The following RPS6KA5 variants were observed in gnomAD, a reference collection of about 807,000 sequenced individuals.
RPS6KA5 encodes the protein ribosomal protein S6 kinase alpha-5.
A neutral mutation model predicts 85.5 loss-of-function variants in RPS6KA5; 27 were observed. The observed-to-expected ratio is 0.32, with a 90% CI of 0.23 to 0.44. The LOEUF is 0.44. Ranked by LOEUF, RPS6KA5 falls within the 20% of genes least tolerant of loss-of-function variation. The probability of loss-of-function intolerance (pLI) is 1.00; values close to 1 mark genes in which losing one functional copy is unlikely to be tolerated. For missense variants in RPS6KA5, 811 were observed against 980.9 expected, an observed-to-expected ratio of 0.83 and a Z score of 2.31; for synonymous variants, 334 against 348.2, an observed-to-expected ratio of 0.96 and a Z score of 0.46.
Position 90,855,604 on chromosome 14 carries a change from A to ATTTTTGTACTTT in RPS6KA5, c.*16469_*16470insAAAGTACAAAAA, listed in dbSNP as rs2032238327. On this transcript the variant is annotated 3_prime_UTR_variant, in exon 17 of 17. Coordinates refer to ENST00000614987, the MANE Select transcript of RPS6KA5 (RefSeq NM_004755.4). ...AGGCACCCACCACCACGCCCAGCTA[A>ATTTTTGTACTTT]TTTTTGTATTTTTTTTTTTTTGAGA... is the stretch of plus-strand genomic sequence containing the variant. 7.7e-6 allele frequency: 1 copy of ATTTTTGTACTTT among 130,172 alleles called. No individual in the cohort carries two copies. 8.1% of individuals were successfully genotyped at this position (130,172 alleles called of 1,614,324 possible). A position where few individuals can be genotyped will look rare whatever the true frequency, so the allele number is the denominator to read the frequency against.
intron 5 of RPS6KA5, among the ~76,000 whole-genome samples, chr14:90,930,560 ACTT>A (rs1327049692): frequency 2.6e-5 from 4 of 152,122 alleles, no homozygotes; most frequent in Non-Finnish European, 4.4e-5. Flanking sequence ...AAATTTAAAA[ACTT>A]CTGAATATCG....
chr14:90,956,703 T>G (rs2038532899), intron 3 of RPS6KA5, among the ~76,000 whole-genome samples: 2 of 151,924 alleles, frequency 1.3e-5, no homozygotes, highest in South Asian at 4.1e-4. Flanking sequence ...GTGGTTGCTC[T>G]GCAACTTGCC....
chr14:90,959,669 C>T (rs997345954), intron 3 of RPS6KA5, among the ~76,000 whole-genome samples: 2 of 152,216 alleles, frequency 1.3e-5, no homozygotes, highest in African/African-American at 4.8e-5. Context: ...CCACCACCAT[C>T]TTGTGGCCAG....
chr14:90,913,620 T>G (rs115369338), intron 7 of RPS6KA5, among the ~76,000 whole-genome samples: 1 of 152,224 alleles, frequency 6.6e-6, no homozygotes, highest in Admixed American at 6.5e-5. Flanking sequence ...TTACTTAGTA[T>G]GACTTTTATC....
intron 7 of RPS6KA5, among the ~76,000 whole-genome samples, chr14:90,913,947 C>T (rs1014249653): frequency 1.3e-5 from 2 of 152,182 alleles, no homozygotes; most frequent in African/African-American, 4.8e-5. Flanking sequence ...AAGATTATCA[C>T]CCAAAATGAT....
In RPS6KA5 at chr14:91,003,746, T is replaced by A. The variant is rs578194102; in HGVS notation, c.104-2587A>T. 2.6e-5 allele frequency among the ~76,000 whole-genome samples: 4 copies of A among 152,344 alleles called. No homozygotes were observed. The South Asian group carries it at 8.3e-4, about 32-fold the overall frequency. ...CTGGTAGGTAAGGCAGAGCTCTTCT[T>A]TCTCCCATACCTCAAGTCCTAGGTC... On this transcript the variant is annotated intron_variant, in intron 1 of 16. Coordinates refer to ENST00000614987, the MANE Select transcript of RPS6KA5 (RefSeq NM_004755.4).
intron 5 of RPS6KA5, among the ~76,000 whole-genome samples, chr14:90,935,745 A>G (rs569614854): frequency 2.0e-5 from 3 of 152,276 alleles, no homozygotes; most frequent in East Asian, 3.9e-4. Flanking sequence ...TTCAGCCAAC[A>G]TATTATTTTT....
At chr14:90,905,283 T>C (rs1233129694) in intron 8 of RPS6KA5, among the ~76,000 whole-genome samples, 1 of 152,128 alleles carries the variant, frequency 6.6e-6, no homozygotes, top group Non-Finnish European at 1.5e-5. Flanking sequence ...TTTTGCTATA[T>C]TATTTTCATT....
intron 5 of RPS6KA5, among the ~76,000 whole-genome samples, chr14:90,924,266 T>G (rs1485188379): frequency 6.6e-6 from 1 of 152,200 alleles, no homozygotes; most frequent in African/African-American, 2.4e-5. Flanking sequence ...CCTGTGTTAT[T>G]CCCTCTGGGT....
In RPS6KA5 at chr14:90,866,559, A is replaced by G. The variant is rs1178290079; in HGVS notation, c.*5515T>C. The G allele has an allele frequency of 6.6e-6, 1 of 152,218 alleles. No individual in the cohort carries two copies. The highest frequency in any genetic ancestry group is 1.5e-5 in the Non-Finnish European group (1 of 68,038). The allele number at this position is 152,218 out of a possible 1,614,324, so 9.4% of individuals were successfully genotyped here. A position where few individuals can be genotyped will look rare whatever the true frequency, so the allele number is the denominator to read the frequency against. On this transcript the variant is annotated 3_prime_UTR_variant, in exon 17 of 17. Coordinates refer to ENST00000614987, the MANE Select transcript of RPS6KA5 (RefSeq NM_004755.4). ...AAAACAATGTTTTTCATCTTTTTTA[A>G]TCTTCCATTTACCTTTTAGTAAGAC...
At chr14:90,903,439 C>T (rs2035301482) in intron 8 of RPS6KA5, among the ~76,000 whole-genome samples, 1 of 152,192 alleles carries the variant, frequency 6.6e-6, no homozygotes, top group Non-Finnish European at 1.5e-5. Context: ...CTTGCTTTTC[C>T]TCCTGGGCAT....
chr14:90,875,465 A>T (rs769184227), intron 14 of RPS6KA5, 105 bp from the exon 15 acceptor site: 219 of 1,000,824 alleles, frequency 2.2e-4, no homozygotes, highest in Non-Finnish European at 2.8e-4. Context: ...AATTGCTACA[A>T]CTAGCATGAT....
intron 5 of RPS6KA5, among the ~76,000 whole-genome samples, chr14:90,934,352 G>C (rs2037150478): frequency 6.6e-6 from 1 of 152,036 alleles, no homozygotes; most frequent in Admixed American, 6.6e-5. Context: ...AATTTAAAGA[G>C]AAATTTGGAA....
chr14:90,896,017 G>A (rs1050165950), intron 12 of RPS6KA5, among the ~76,000 whole-genome samples: 2 of 152,166 alleles, frequency 1.3e-5, no homozygotes, highest in Non-Finnish European at 2.9e-5. Flanking sequence ...CAAACAAAAT[G>A]TTTCTTTCTG....
chr14:90,882,348 T>A (rs2033897730), intron 14 of RPS6KA5, among the ~76,000 whole-genome samples: 2 of 152,216 alleles, frequency 1.3e-5, no homozygotes, highest in South Asian at 4.1e-4. Context: ...AACAAACCGA[T>A]AATTCTTTTA....
chr14:91,039,514 T>C (rs991890419), intron 1 of RPS6KA5, among the ~76,000 whole-genome samples: 1 of 152,206 alleles, frequency 6.6e-6, no homozygotes, highest in African/African-American at 2.4e-5. Context: ...TAAGCATTTA[T>C]TTTCAGCTCT....
intron 3 of RPS6KA5, 91 bp downstream of exon 3, chr14:90,978,215 A>C: frequency 3.4e-6 from 3 of 876,898 alleles, no homozygotes; most frequent in South Asian, 4.4e-5. Context: ...ACTTCTTCTA[A>C]GTCCATAGTA....
At position 90,848,190 on chromosome 14, in the gene RPS6KA5, T is replaced by A. The variant is rs966186646; in HGVS notation, c.*23884A>T. 5.9e-5 allele frequency: 9 copies of A among 152,230 alleles called. No homozygotes were observed. 9.4% of individuals were successfully genotyped at this position (152,230 alleles called of 1,614,324 possible). A position where few individuals can be genotyped will look rare whatever the true frequency, so the allele number is the denominator to read the frequency against. On this transcript the variant is annotated 3_prime_UTR_variant, in exon 17 of 17. Coordinates refer to ENST00000614987, the MANE Select transcript of RPS6KA5 (RefSeq NM_004755.4). ...AGTAGCTATAGAATTCTGAAAATTC[T>A]CAATAAATAGTTACTAGTATAAAAA... is the stretch of plus-strand genomic sequence containing the variant.
rs755477401 is a variant in RPS6KA5, at chr14:90,947,416, G to GAA, written c.510+17_510+18dup. ...TTAACAGACTTCAGAAAAGAAACCT[G>GAA]AAAAATGAAGAGTCTTACCTTGTGG... is the stretch of plus-strand genomic sequence containing the variant. On this transcript the variant is annotated intron_variant, in intron 4 of 16. Transcript: ENST00000614987. 16 of 1,409,830 alleles carry GAA rather than the reference G, an allele frequency of 1.1e-5. No homozygotes were observed. The highest frequency in any genetic ancestry group is 1.6e-5 in the Non-Finnish European group (16 of 1,005,508). The allele number at this position is 1,409,830 out of a possible 1,614,324, so 87.3% of individuals were successfully genotyped here.
Sources: gnomAD v4.1 joint callset for allele counts (sites outside exome capture counted in the v4.1 genomes callset) on GRCh38, gnomAD v4.1.1 for gene constraint, MANE v1.5 for transcripts, NCBI Gene and HGNC (gene_info 2026-07-23, HGNC 2026-07-21) for gene names.